Variants in DBT observed in about 807,000 individuals in gnomAD.
DBT encodes lipoamide acyltransferase component of branched-chain alpha-keto acid dehydrogenase complex, mitochondrial.
DBT carries 40 observed loss-of-function variants against 51.3 expected under a neutral mutation model. The ratio of observed to expected loss-of-function variants is 0.78; its 90% CI spans 0.61 to 1.02. The LOEUF is 1.02. Ranked by LOEUF, DBT falls within the 50% of genes least tolerant of loss-of-function variation. The pLI, the probability that DBT is intolerant of heterozygous loss-of-function variation, is 0.00. For synonymous variants in DBT, 181 were observed against 190.4 expected, an observed-to-expected ratio of 0.95 and a Z score of 0.41; for missense variants, 510 against 580.2, an observed-to-expected ratio of 0.88 and a Z score of 1.24.
chr1:100,210,241 G>T (rs1279601823), intron 8 of DBT, among the ~76,000 whole-genome samples: 1 of 151,302 alleles, frequency 6.6e-6, no homozygotes, highest in Admixed American at 6.6e-5. Context: ...GGCCTGAGAG[G>T]TTGAGGCTGC....
chr1:100,239,006 A>C (rs993682525), intron 2 of DBT, among the ~76,000 whole-genome samples: 1 of 152,244 alleles, frequency 6.6e-6, no homozygotes, highest in Non-Finnish European at 1.5e-5. Context: ...AAGCAGTATT[A>C]GTATATCTAA....
Position 100,225,050 on chromosome 1 carries a change from T to TAC in DBT, c.433+5682_433+5683insGT, listed in dbSNP as rs56152348. 3.5e-3 allele frequency among the ~76,000 whole-genome samples: 275 copies of TAC among 78,090 alleles called. 13 individuals carry two copies. The highest frequency in any genetic ancestry group is 4.8e-3 in the Non-Finnish European group (190 of 39,324). The allele number at this position is 78,090 out of a possible 152,430, so 51.2% of individuals were successfully genotyped here. On this transcript the variant is annotated intron_variant, in intron 4 of 10. Transcript: ENST00000370132. ...AAAAAAAAAAAAAAAAAAATATATA[T>TAC]ATACACACACACACACACACACACA... is the stretch of plus-strand genomic sequence containing the variant.
intron 2 of DBT, among the ~76,000 whole-genome samples, chr1:100,236,174 T>C (rs1008418540): frequency 1.3e-5 from 2 of 152,010 alleles, no homozygotes; most frequent in African/African-American, 4.8e-5. Context: ...AAATGCATAC[T>C]ACAGCCTCAA....
intron 2 of DBT, among the ~76,000 whole-genome samples, chr1:100,237,289 C>A (rs1663930529): frequency 6.6e-6 from 1 of 152,146 alleles, no homozygotes; most frequent in Admixed American, 6.6e-5. Context: ...ATGAGTGAGA[C>A]CATCTTGGAC....
intron 7 of DBT, chr1:100,213,703 A>G (rs1382309544): frequency 6.3e-7 from 1 of 1,593,668 alleles, no homozygotes; most frequent in Non-Finnish European, 8.5e-7. Context: ...TCCTACACCC[A>G]GCTCTCTTTT....
At chr1:100,221,872 TA>T (rs1322556487) in intron 4 of DBT, among the ~76,000 whole-genome samples, 1 of 152,208 alleles carries the variant, frequency 6.6e-6, no homozygotes, top group African/African-American at 2.4e-5. Context: ...GCAATATTCT[TA>T]GGTATTTCTA....
intron 2 of DBT, among the ~76,000 whole-genome samples, chr1:100,239,390 A>G (rs1402032722): frequency 1.3e-5 from 2 of 152,198 alleles, no homozygotes; most frequent in African/African-American, 4.8e-5. Context: ...GAAGTAACAA[A>G]AAAAGATCAA....
At chr1:100,234,720 T>C (rs946809102) in intron 3 of DBT, among the ~76,000 whole-genome samples, 1 of 152,212 alleles carries the variant, frequency 6.6e-6, no homozygotes, top group Non-Finnish European at 1.5e-5. Flanking sequence ...GCTCTTTCCA[T>C]AATCCCACAG....
rs879079491 is a variant in DBT at position 100,249,135 on chromosome 1, G to A, written c.51+635C>T. ...AAGAAGAAACACTAAGCAAATAGGGGTAACAAGTATCATTACCGGTATGTG... is the reference window on the plus strand; with the variant it reads ...AAGAAGAAACACTAAGCAAATAGGGATAACAAGTATCATTACCGGTATGTG... On this transcript the variant is annotated intron_variant, in intron 1 of 10. Coordinates refer to ENST00000370132, the MANE Select transcript of DBT (RefSeq NM_001918.5). The A allele has an allele frequency of 1.0e-5, 10 of 981,962 alleles. No individual in the cohort carries two copies. In the Admixed American group the frequency reaches 2.3e-4, roughly 23 times the overall value. 60.8% of individuals were successfully genotyped at this position (981,962 alleles called of 1,614,324 possible).
chr1:100,230,921 G>T lies in DBT; in HGVS notation c.252-7C>A, dbSNP rs1188617738. ...ATCTCCTTCTTTTACATACCTAAAA[G>T]AAAAAGAAATGAGACACTTTTATGG... On this transcript the variant is annotated splice_region_variant and splice_polypyrimidine_tract_variant and intron_variant, in intron 3 of 10. Transcript: ENST00000370132. The T allele has an allele frequency of 1.9e-6, 3 of 1,549,850 alleles. No homozygotes were observed. Among genetic ancestry groups the T allele is most frequent in the Admixed American group, 1.7e-5 (1 of 59,856 alleles).
rs1254104594 is a variant in DBT at position 100,230,830 on chromosome 1, A to G, written c.336T>C (p.Ser112=). ...QSDKASVTIT[S]RYDGVIKKLY... is the part of the protein sequence containing the mutation. ...GTTTTTTAATGACTCCATCATAACG[A>G]CTAGTGATGGTAACAGAAGCTTTAT... Residue 112 remains serine, a synonymous_variant, in exon 4 of 11, where the codon AGT becomes AGC. Coordinates refer to ENST00000370132, the MANE Select transcript of DBT (RefSeq NM_001918.5). 2 of 1,598,670 alleles carry G rather than the reference A, an allele frequency of 1.3e-6. No homozygotes were observed. The highest frequency in any genetic ancestry group is 3.3e-5 in the Admixed American group (2 of 60,014).
intron 1 of DBT, among the ~76,000 whole-genome samples, chr1:100,241,890 A>G (rs969132806): frequency 9.9e-5 from 15 of 152,020 alleles, no homozygotes; most frequent in Non-Finnish European, 1.5e-4. Context: ...GCTTGGTGGC[A>G]TGCGCCTGTA....
intron 10 of DBT, among the ~76,000 whole-genome samples, chr1:100,197,205 A>T (rs1025764265): frequency 6.6e-6 from 1 of 152,216 alleles, no homozygotes; most frequent in Non-Finnish European, 1.5e-5. Context: ...CTCTTTTTCT[A>T]TACTGATCTC....
Position 100,213,362 on chromosome 1 carries a change from G to A in DBT, c.939+1455C>T, listed in dbSNP as rs1000448663. ...CCTGGAGGCCGGCCAGGGCGACTACGCGTGAGGCCCGCACGGCTACGGCGC... is the reference window on the plus strand; with the variant it reads ...CCTGGAGGCCGGCCAGGGCGACTACACGTGAGGCCCGCACGGCTACGGCGC... On this transcript the variant is annotated intron_variant, in intron 7 of 10. Coordinates refer to ENST00000370132, the MANE Select transcript of DBT (RefSeq NM_001918.5). 5.2e-6 allele frequency: 8 copies of A among 1,537,628 alleles called. No individual in the cohort carries two copies. In the East Asian group the frequency reaches 1.2e-4, roughly 24 times the overall value.
Position 100,210,759 on chromosome 1 carries a change from C to T in DBT, c.952G>A (p.Gly318Arg). The T allele has an allele frequency of 6.2e-7, 1 of 1,613,476 alleles. No homozygotes were observed. The highest frequency in any genetic ancestry group is 8.5e-7 in the Non-Finnish European group (1 of 1,179,656). Reference protein sequence around the residue: ...MPFFLKAASLGLLQFPILNAS... With the variant: ...MPFFLKAASLRLLQFPILNAS... Reference sequence around the variant, plus strand: ...TTAAGGATAGGAAACTGTAGTAATCCCAAGGAAGCAGCCTGTTTAACAGAA... The same window carrying T: ...TTAAGGATAGGAAACTGTAGTAATCTCAAGGAAGCAGCCTGTTTAACAGAA... The change falls in exon 8 of 11, where the codon GGA becomes AGA. Residue 318 changes from glycine to arginine, a missense_variant. By Grantham distance (125) the Gly-to-Arg change is moderately radical. Transcript: ENST00000370132.
At chr1:100,220,453 T>C (rs755194518) in intron 4 of DBT, among the ~76,000 whole-genome samples, 1 of 152,182 alleles carries the variant, frequency 6.6e-6, no homozygotes, top group East Asian at 1.9e-4. Context: ...TAAATAAAAA[T>C]CTTCTACTAC....
At chr1:100,198,365 G>A (rs1263052811) in intron 10 of DBT, among the ~76,000 whole-genome samples, 2 of 152,198 alleles carry the variant, frequency 1.3e-5, no homozygotes, top group Non-Finnish European at 2.9e-5. Flanking sequence ...CTCAGTAAGT[G>A]CAGAGTTTCA....
chr1:100,211,101 T>A, intron 7 of DBT: 1 of 779,322 alleles, frequency 1.3e-6, no homozygotes, highest in Non-Finnish European at 2.4e-6. Flanking sequence ...CATGTTGATC[T>A]TAAGATTTCC....
intron 10 of DBT, chr1:100,196,948 C>T (rs1041764733): frequency 3.3e-5 from 7 of 211,188 alleles, no homozygotes; most frequent in Non-Finnish European, 4.9e-5. Context: ...GACACTGATG[C>T]GGCCAAGGTC....
Sources: gnomAD v4.1 joint callset for allele counts (sites outside exome capture counted in the v4.1 genomes callset) on GRCh38, gnomAD v4.1.1 for gene constraint, MANE v1.5 for transcripts, NCBI Gene and HGNC (gene_info 2026-07-23, HGNC 2026-07-21) for gene names.